Variants in AGMO observed in about 807,000 individuals in gnomAD.
The protein encoded by AGMO is glyceryl-ether monooxygenase.
A neutral mutation model predicts 60.2 loss-of-function variants in AGMO; 75 were observed. The observed-to-expected ratio is 1.25, with a 90% CI of 1.03 to 1.51. AGMO has a LOEUF of 1.51. AGMO is among the 40% of genes most tolerant of loss of function. The pLI, the probability that AGMO is intolerant of heterozygous loss-of-function variation, is 0.00. For synonymous variants in AGMO, 261 were observed against 177.1 expected, an observed-to-expected ratio of 1.47 and a Z score of -3.76; for missense variants, 763 against 525.5, an observed-to-expected ratio of 1.45 and a Z score of -4.42.
At chr7:15,430,764 G>A (rs1214116310) in intron 4 of AGMO, among the ~76,000 whole-genome samples, 1 of 151,354 alleles carries the variant, frequency 6.6e-6, no homozygotes, top group East Asian at 1.9e-4. Flanking sequence ...TTCTCACATT[G>A]TCGTATACTT....
chr7:15,211,887 A>T (rs1026471143), intron 12 of AGMO, among the ~76,000 whole-genome samples: 23 of 152,068 alleles, frequency 1.5e-4, no homozygotes, highest in African/African-American at 5.5e-4. Flanking sequence ...AAACATAAAA[A>T]GAATAACATT....
chr7:15,386,354 A>AC (rs1040017187), intron 9 of AGMO, among the ~76,000 whole-genome samples: 1 of 152,212 alleles, frequency 6.6e-6, no homozygotes, highest in African/African-American at 2.4e-5. Flanking sequence ...AAAATGCTAC[A>AC]CATCTATATT....
intron 3 of AGMO, among the ~76,000 whole-genome samples, chr7:15,499,391 C>T (rs1476036874): frequency 6.6e-6 from 1 of 151,896 alleles, no homozygotes; most frequent in African/African-American, 2.4e-5. Flanking sequence ...CATACTTCAT[C>T]ATTACTCTGA....
chr7:15,218,041 T>C (rs1168873970), intron 12 of AGMO, among the ~76,000 whole-genome samples: 3 of 151,748 alleles, frequency 2.0e-5, no homozygotes, highest in Non-Finnish European at 2.9e-5. Context: ...ACAAGTAAAA[T>C]TGTAGAAAGA....
At chr7:15,418,784 C>A in intron 4 of AGMO, 131 bp from the exon 5 acceptor site, 2 of 580,638 alleles carry the variant, frequency 3.4e-6, no homozygotes, top group Non-Finnish European at 5.8e-6. Context: ...ATTTTATTGC[C>A]ATGTTTACTT....
At chr7:15,229,712 ATT>A (rs1278772759) in intron 12 of AGMO, among the ~76,000 whole-genome samples, 2 of 125,584 alleles carry the variant, frequency 1.6e-5, no homozygotes, top group Admixed American at 7.7e-5. Context: ...TTATATATAT[ATT>A]ATATTATATA....
intron 12 of AGMO, among the ~76,000 whole-genome samples, chr7:15,258,197 T>A (rs1783157739): frequency 6.6e-6 from 1 of 152,220 alleles, no homozygotes; most frequent in Non-Finnish European, 1.5e-5. Flanking sequence ...TACTTTTTTA[T>A]GGCTTTCAAT....
chr7:15,390,811 A>G, intron 7 of AGMO, 29 bp downstream of exon 7: 1 of 1,588,682 alleles, frequency 6.3e-7, no homozygotes, highest in Non-Finnish European at 8.6e-7. Context: ...AGCTGATTTA[A>G]TTTTTTGATT....
chr7:15,397,931 G>A (rs1443305419), intron 5 of AGMO, among the ~76,000 whole-genome samples: 1 of 152,158 alleles, frequency 6.6e-6, no homozygotes, highest in Non-Finnish European at 1.5e-5. Context: ...TTTCTACTTG[G>A]TGAAAAACTA....
chr7:15,430,114 T>G (rs372709499), intron 4 of AGMO, among the ~76,000 whole-genome samples: 1 of 151,966 alleles, frequency 6.6e-6, no homozygotes, highest in Non-Finnish European at 1.5e-5. Context: ...GAAGATGAAG[T>G]AAGTCAATAT....
intron 12 of AGMO, among the ~76,000 whole-genome samples, chr7:15,285,228 A>G (rs937993187): frequency 2.0e-5 from 3 of 151,918 alleles, no homozygotes; most frequent in Non-Finnish European, 2.9e-5. Flanking sequence ...TCCTAGCTAG[A>G]ACAATCAGAC....
chr7:15,519,492 G>C (rs906330462), intron 3 of AGMO, among the ~76,000 whole-genome samples: 3 of 152,112 alleles, frequency 2.0e-5, no homozygotes, highest in Non-Finnish European at 4.4e-5. Context: ...AAGAGAGTGA[G>C]GGCCAACATT....
chr7:15,548,619 A>C (rs1252191980), intron 2 of AGMO, among the ~76,000 whole-genome samples: 10 of 152,092 alleles, frequency 6.6e-5, no homozygotes, highest in Non-Finnish European at 1.5e-4. Context: ...TTAGAGAAAA[A>C]ATAATAAAAA....
chr7:15,501,357 A>G (rs1783381779), intron 3 of AGMO, among the ~76,000 whole-genome samples: 1 of 152,074 alleles, frequency 6.6e-6, no homozygotes. Context: ...TAGGCAAAAA[A>G]GTAGATGCTT....
At chr7:15,248,352 A>G (rs1782829686) in intron 12 of AGMO, among the ~76,000 whole-genome samples, 2 of 151,200 alleles carry the variant, frequency 1.3e-5, no homozygotes, top group African/African-American at 2.4e-5. Flanking sequence ...GGAAACAGAG[A>G]CTGATCACAG....
At chr7:15,225,871 T>C (rs1174755134) in intron 12 of AGMO, among the ~76,000 whole-genome samples, 2 of 152,078 alleles carry the variant, frequency 1.3e-5, no homozygotes, top group African/African-American at 2.4e-5. Flanking sequence ...AGTCTGTGGC[T>C]GTTTTTGACA....
chr7:15,149,952 G>C, the AGMO span, among the ~76,000 whole-genome samples: 1 of 152,080 alleles, frequency 6.6e-6, no homozygotes, highest in Non-Finnish European at 1.5e-5. Flanking sequence ...TTAGAGCATG[G>C]AATGTTTTTC....
intron 3 of AGMO, among the ~76,000 whole-genome samples, chr7:15,530,586 C>CTATATATGTATTCTATATACGTATTTCTA (rs1784283379): frequency 2.6e-5 from 2 of 78,334 alleles, no homozygotes; most frequent in African/African-American, 9.3e-5. Context: ...ATACGTATTT[C>CTATATATGTATTCTATATACGTATTTCTA]TATATATATA....
chr7:15,533,660 G>A (rs1187668373), intron 3 of AGMO, among the ~76,000 whole-genome samples: 1 of 151,996 alleles, frequency 6.6e-6, no homozygotes, highest in African/African-American at 2.4e-5. Context: ...TCTGCATAAT[G>A]ACTTATTTTT....
Sources: allele counts gnomAD v4.1 joint callset (sites outside exome capture counted in the v4.1 genomes callset), GRCh38; gene constraint gnomAD v4.1.1; transcripts MANE v1.5; gene names NCBI Gene and HGNC (gene_info 2026-07-23, HGNC 2026-07-21).